The following COL1A2 variants were observed in gnomAD, a reference collection of about 807,000 sequenced individuals.
The protein encoded by COL1A2 is collagen alpha-2(I) chain.
In COL1A2, 49 loss-of-function variants were observed where a neutral mutation model predicts 174.3. The ratio of observed to expected loss-of-function variants is 0.28; its 90% CI spans 0.22 to 0.36. COL1A2 has a LOEUF of 0.36. Among genes scored for constraint, COL1A2 ranks in the 10% least tolerant of loss-of-function variants. The pLI is 1.00. For missense variants in COL1A2, 1,438 were observed against 1,822.7 expected, an observed-to-expected ratio of 0.79 and a Z score of 3.84; for synonymous variants, 655 against 606.6, an observed-to-expected ratio of 1.08 and a Z score of -1.17.
intron 5 of COL1A2, among the ~76,000 whole-genome samples, chr7:94,401,026 G>T (rs749641355): frequency 2.0e-5 from 3 of 152,152 alleles, no homozygotes; most frequent in Non-Finnish European, 4.4e-5. Flanking sequence ...AGTTATTACT[G>T]TGAACTAGTT....
At chr7:94,418,611 T>C in intron 33 of COL1A2, 59 bp downstream of exon 33, 1 of 1,443,130 alleles carries the variant, frequency 6.9e-7, no homozygotes, top group African/African-American at 1.4e-5. Context: ...TATGTTTGAA[T>C]TGAGAAGTTT....
intron 50 of COL1A2, among the ~76,000 whole-genome samples, chr7:94,428,788 G>C (rs987989430): frequency 6.6e-6 from 1 of 152,174 alleles, no homozygotes; most frequent in South Asian, 2.1e-4. Context: ...TTCAGAATGT[G>C]AGCAGCTTTT....
At chr7:94,410,003 C>T (rs1451088997) in intron 19 of COL1A2, among the ~76,000 whole-genome samples, 182 bp downstream of exon 19, 3 of 152,246 alleles carry the variant, frequency 2.0e-5, no homozygotes, top group South Asian at 4.1e-4. Context: ...CAGACATGCC[C>T]TTCCTGTTAT....
chr7:94,416,765 A>C (rs985270836), intron 31 of COL1A2: 8 of 483,184 alleles, frequency 1.7e-5, no homozygotes, highest in Non-Finnish European at 2.6e-5. Flanking sequence ...TTTTCTCCTC[A>C]CGCTGTTTAT....
intron 12 of COL1A2, 90 bp from the exon 13 acceptor site, chr7:94,407,757 T>C (rs1208215728): frequency 5.1e-6 from 6 of 1,170,478 alleles, no homozygotes; most frequent in African/African-American, 4.6e-5. Flanking sequence ...ATATGAATGG[T>C]TCAAAGTAAA....
chr7:94,429,106 T>TTG, intron 50 of COL1A2, 82 bp from the exon 51 acceptor site: 1 of 1,048,312 alleles, frequency 9.5e-7, no homozygotes, highest in Non-Finnish European at 1.3e-6. Flanking sequence ...ATCTTTTTTT[T>TTG]TCTTTTTTTT....
intron 5 of COL1A2, among the ~76,000 whole-genome samples, chr7:94,400,952 G>C (rs1791677269): frequency 6.6e-6 from 1 of 152,120 alleles, no homozygotes; most frequent in Non-Finnish European, 1.5e-5. Flanking sequence ...GCTTATCTAT[G>C]AATTGCATTA....
At chr7:94,401,454 C>T (rs539884140) in intron 5 of COL1A2, 113 bp from the exon 6 acceptor site, 1 of 404,728 alleles carries the variant, frequency 2.5e-6, no homozygotes, top group East Asian at 7.8e-5. Flanking sequence ...ACATTGCCCT[C>T]TTTTAAATAA....
chr7:94,409,868 T>C, intron 19 of COL1A2, 47 bp downstream of exon 19: 1 of 1,544,116 alleles, frequency 6.5e-7, no homozygotes, highest in Non-Finnish European at 9.0e-7. Flanking sequence ...ATACCACCTC[T>C]GCCATCATTT....
Position 94,397,769 on chromosome 7 carries a change from C to CT in COL1A2, c.81+18dup, listed in dbSNP as rs1791612191. 8 of 1,283,406 alleles carry CT rather than the reference C, an allele frequency of 6.2e-6. No individual in the cohort carries two copies. The highest frequency in any genetic ancestry group is 2.4e-5 in the East Asian group (1 of 41,888). The allele number at this position is 1,283,406 out of a possible 1,614,324, so 79.5% of individuals were successfully genotyped here. ...ACAGCTTTACAAGAGGTGAGTAAAA[C>CT]TTTTTTTAGAATTTTTAAAAATACT... On this transcript the variant is annotated intron_variant, in intron 2 of 51. Transcript: ENST00000297268.
At chr7:94,415,812 G>A (rs906868103) in intron 30 of COL1A2, among the ~76,000 whole-genome samples, 2 of 152,082 alleles carry the variant, frequency 1.3e-5, no homozygotes, top group African/African-American at 4.8e-5. Flanking sequence ...CAGTTACAAC[G>A]TGGACCTATG....
At chr7:94,429,971 A>T (rs1792365233) in intron 51 of COL1A2, 1 of 482,568 alleles carries the variant, frequency 2.1e-6, no homozygotes, top group Non-Finnish European at 3.8e-6. Flanking sequence ...AATCCTAAAA[A>T]TGACTTTGTA....
chr7:94,396,275 G>T (rs1386219646), intron 1 of COL1A2, among the ~76,000 whole-genome samples: 1 of 151,768 alleles, frequency 6.6e-6, no homozygotes, highest in Admixed American at 6.6e-5. Flanking sequence ...CACACAGCAC[G>T]GTGTCTACCA....
rs1403312072 is a variant in COL1A2, at chr7:94,403,214, G to A, written c.280-1342G>A. On this transcript the variant is annotated intron_variant, in intron 6 of 51. Coordinates refer to ENST00000297268, the MANE Select transcript of COL1A2 (RefSeq NM_000089.4). ...CCCTGTTTTCGGAACATCTGTCTTG[G>A]CATAAAGCAGAGTATTTTACTTTGA... 2.0e-5 allele frequency among the ~76,000 whole-genome samples: 3 copies of A among 152,112 alleles called. No homozygotes were observed. In the South Asian group the frequency reaches 6.2e-4, roughly 32 times the overall value.
Position 94,423,027 on chromosome 7 carries a change from A to C in COL1A2, c.2474A>C (p.Gln825Pro), listed in dbSNP as rs556922843. 6.2e-7 allele frequency: 1 copy of C among 1,614,054 alleles called. No individual in the cohort carries two copies. Among genetic ancestry groups the C allele is most frequent in the Admixed American group, 1.7e-5 (1 of 60,024 alleles). The change falls in exon 40 of 52, where the codon CAA becomes CCA. Residue 825 changes from glutamine (Q) to proline (P), a missense_variant. Coordinates refer to ENST00000297268, the MANE Select transcript of COL1A2 (RefSeq NM_000089.4). ...KEGLRGPRGD[Q>P]GPVGRTGEVG... is the part of the protein sequence containing the mutation. ...GGGCTTCGTGGTCCTCGTGGTGACC[A>C]AGGTCCAGTTGGCCGAACTGGAGAA...
At chr7:94,426,273 C>A in intron 45 of COL1A2, 150 bp from the exon 46 acceptor site, 1 of 859,740 alleles carries the variant, frequency 1.2e-6, no homozygotes, top group Non-Finnish European at 1.9e-6. Context: ...GATAGCACAA[C>A]TAAAGCAGAT....
At chr7:94,403,660 A>T (rs113213177) in intron 6 of COL1A2, among the ~76,000 whole-genome samples, 2 of 152,136 alleles carry the variant, frequency 1.3e-5, no homozygotes, top group African/African-American at 4.8e-5. Flanking sequence ...ATGTTATTTC[A>T]CTCTAGGCAT....
intron 1 of COL1A2, chr7:94,395,608 T>C (rs1361965309): frequency 8.0e-6 from 2 of 249,212 alleles, no homozygotes; most frequent in African/African-American, 4.6e-5. Context: ...GATGCTGATA[T>C]GATGATGGTT....
intron 5 of COL1A2, among the ~76,000 whole-genome samples, chr7:94,400,576 G>T (rs1356906729): frequency 6.6e-6 from 1 of 152,008 alleles, no homozygotes; most frequent in Admixed American, 6.6e-5. Context: ...CAAATAAGAG[G>T]TGTTGCATTA....
Sources: allele counts gnomAD v4.1 joint callset (sites outside exome capture counted in the v4.1 genomes callset), GRCh38; gene constraint gnomAD v4.1.1; transcripts MANE v1.5; gene names NCBI Gene and HGNC (gene_info 2026-07-23, HGNC 2026-07-21).